MRE11: variants seen among roughly 807,000 people sequenced by gnomAD.
The protein encoded by MRE11 is MRE11 double strand break repair nuclease.
Under a neutral mutation model 91.7 loss-of-function variants are expected in MRE11, and 62 were observed. That is an observed-to-expected ratio of 0.68 (90% CI 0.55 to 0.84). The LOEUF (loss-of-function observed/expected upper bound fraction) is 0.84, where lower values mean the gene tolerates loss of function less well. Among genes scored for constraint, MRE11 ranks in the 40% least tolerant of loss-of-function variants. The pLI is 0.00. For missense variants in MRE11, 796 were observed against 852.9 expected, an observed-to-expected ratio of 0.93 and a Z score of 0.83; for synonymous variants, 273 against 271.4, an observed-to-expected ratio of 1.01 and a Z score of -0.06.
At position 94,417,955 on chromosome 11, in the gene MRE11, T is replaced by A. The variant is rs908126331; in HGVS notation, c.*2170A>T. 4 of 233,112 alleles carry A rather than the reference T, an allele frequency of 1.7e-5. No individual in the cohort carries two copies. The East Asian group carries it at 2.4e-4, about 14-fold the overall frequency. 14.4% of individuals were successfully genotyped at this position (233,112 alleles called of 1,614,324 possible). ...AAACACCAGAAAGACACTTATTCTTTGGTAAGTAACAGAAGAATTCCCTAC... is the reference window on the plus strand; with the variant it reads ...AAACACCAGAAAGACACTTATTCTTAGGTAAGTAACAGAAGAATTCCCTAC... On this transcript the variant is annotated 3_prime_UTR_variant, in exon 20 of 20. Coordinates refer to ENST00000323929, the MANE Select transcript of MRE11 (RefSeq NM_005591.4).
chr11:94,498,001 C>A, upstream of MRE11: 2 of 1,223,276 alleles, frequency 1.6e-6, no homozygotes, highest in African/African-American at 1.5e-5. Context: ...TCTAACACCA[C>A]AAGACAATTT....
At position 94,444,431 on chromosome 11, in the gene MRE11, C is replaced by T. The variant is rs112984331; in HGVS notation, c.1867+1379G>A. On this transcript the variant is annotated intron_variant, in intron 16 of 19. Transcript: ENST00000323929. ...GTTTTCTTTTGTTTTAGGCTTTTAG[C>T]AGCTGAAGCCATGGTTTTTAGTTTC... Among the ~76,000 whole-genome samples, 475 of 152,140 alleles carry T rather than the reference C, an allele frequency of 3.1e-3. 3 individuals carry two copies. Among genetic ancestry groups the T allele is most frequent in the African/African-American group, 0.011 (454 of 41,508 alleles).
intron 18 of MRE11, among the ~76,000 whole-genome samples, chr11:94,432,481 C>G (rs1945486851): frequency 6.6e-6 from 1 of 152,200 alleles, no homozygotes; most frequent in Non-Finnish European, 1.5e-5. Flanking sequence ...ACCATCTGCA[C>G]GCTGTCCAGA....
chr11:94,478,840 C>G lies in MRE11; in HGVS notation c.439G>C (p.Ala147Pro), dbSNP rs2135085892. 1 of 1,613,810 alleles carries G rather than the reference C, an allele frequency of 6.2e-7. No individual in the cohort carries two copies. The highest frequency in any genetic ancestry group is 8.5e-7 in the Non-Finnish European group (1 of 1,179,884). ...CGTCCAAAGTGATTTACAAATCCAGCACAACTTAAAATGTCCAAGGCACAA... is the reference window on the plus strand; with the variant it reads ...CGTCCAAAGTGATTTACAAATCCAGGACAACTTAAAATGTCCAAGGCACAA... ...ALCALDILSC[A>P]GFVNHFGRSM... The change falls in exon 6 of 20, where the codon GCT becomes CCT. Residue 147 changes from alanine (A) to proline (P), a missense_variant. By Grantham distance (27) the Ala-to-Pro change is conservative (BLOSUM62 -1). Coordinates refer to ENST00000323929, the MANE Select transcript of MRE11 (RefSeq NM_005591.4).
intron 6 of MRE11, among the ~76,000 whole-genome samples, chr11:94,477,428 G>A (rs1356922415): frequency 6.6e-6 from 1 of 152,168 alleles, no homozygotes; most frequent in East Asian, 1.9e-4. Context: ...TATTATAAAA[G>A]GAGAAAAAGC....
chr11:94,464,091 C>G, intron 11 of MRE11, 22 bp downstream of exon 11: 1 of 1,606,064 alleles, frequency 6.2e-7, no homozygotes, highest in Non-Finnish European at 8.5e-7. Context: ...ATTTTTTTAC[C>G]TCATAAAAAT....
chr11:94,453,553 A>G (rs1178633840), intron 14 of MRE11, among the ~76,000 whole-genome samples: 2 of 152,072 alleles, frequency 1.3e-5, no homozygotes, highest in African/African-American at 4.8e-5. Context: ...TTTGATTTGC[A>G]TTTCTCTAAT....
In MRE11 at chr11:94,443,342, T is replaced by A. The variant is rs193127143; in HGVS notation, c.1867+2468A>T. On this transcript the variant is annotated intron_variant, in intron 16 of 19. Transcript: ENST00000323929. ...TCCCAGATCTGGTACTGACAAGTTA[T>A]GAGATCTAGGATAAGCTACCTATCT... is the stretch of plus-strand genomic sequence containing the variant. 3.2e-4 allele frequency among the ~76,000 whole-genome samples: 48 copies of A among 152,330 alleles called. 1 individual carries two copies. Among genetic ancestry groups the A allele is most frequent in the South Asian group, 1.9e-3 (9 of 4,826 alleles).
chr11:94,470,351 C>G, intron 9 of MRE11, 120 bp downstream of exon 9: 1 of 1,026,782 alleles, frequency 9.7e-7, no homozygotes, highest in Admixed American at 2.2e-5. Context: ...AGTGTCCTTA[C>G]AGGCTTCATG....
At chr11:94,476,922 G>T (rs891972150) in intron 6 of MRE11, among the ~76,000 whole-genome samples, 3 of 152,074 alleles carry the variant, frequency 2.0e-5, no homozygotes, top group Non-Finnish European at 2.9e-5. Flanking sequence ...GTTTTGCCAC[G>T]TTGGACAGGC....
In MRE11 at chr11:94,479,735, C is replaced by T. The variant is rs1362161636; in HGVS notation, c.341G>A (p.Gly114Asp). ...SKFPWVNYQD[G>D]NLNISIPVFS... ...CACTGGAATTGAAATGTTGAGGTTG[C>T]CATCTTGATAGTTCACCCATGGAAA... is the stretch of plus-strand genomic sequence containing the variant. The change falls in exon 5 of 20, where the codon GGC becomes GAC. Residue 114 changes from glycine to aspartate, a missense_variant. Coordinates refer to ENST00000323929, the MANE Select transcript of MRE11 (RefSeq NM_005591.4). 2 of 1,612,514 alleles carry T rather than the reference C, an allele frequency of 1.2e-6. No individual in the cohort carries two copies. Among genetic ancestry groups the T allele is most frequent in the Non-Finnish European group, 1.7e-6 (2 of 1,179,690 alleles).
At chr11:94,472,987 T>C (rs1223911934) in intron 7 of MRE11, 1 of 152,012 alleles carries the variant, frequency 6.6e-6, no homozygotes, top group African/African-American at 2.4e-5. Context: ...AGTGCCATAC[T>C]CCTCTCTACA....
At chr11:94,433,358 T>C (rs1050793030) in intron 18 of MRE11, among the ~76,000 whole-genome samples, 1 of 152,236 alleles carries the variant, frequency 6.6e-6, no homozygotes, top group Non-Finnish European at 1.5e-5. Flanking sequence ...ACCTTTGTAG[T>C]GCTCACCTGT....
chr11:94,509,622 T>C, the MRE11 span, among the ~76,000 whole-genome samples: 7 of 152,214 alleles, frequency 4.6e-5, no homozygotes, highest in African/African-American at 1.4e-4. Context: ...TTTGTATTTT[T>C]AGTAGAGACG....
chr11:94,472,110 T>C (rs1200117297), intron 7 of MRE11, among the ~76,000 whole-genome samples: 1 of 152,076 alleles, frequency 6.6e-6, no homozygotes, highest in Admixed American at 6.6e-5. Context: ...AGTCTAACTA[T>C]ATACTAGAGA....
At chr11:94,498,495 T>C (rs1185733426), upstream of MRE11, 1 of 1,613,776 alleles carries the variant, frequency 6.2e-7, no homozygotes, top group South Asian at 1.1e-5. Flanking sequence ...CTCTTTGAAA[T>C]TGTGGAAGGC....
At chr11:94,512,235 C>T in the MRE11 span, among the ~76,000 whole-genome samples, 1 of 152,182 alleles carries the variant, frequency 6.6e-6, no homozygotes, top group South Asian at 2.1e-4. Context: ...TTCTGAATCT[C>T]GGATTCTCTG....
chr11:94,498,469 A>C (rs1313850456), upstream of MRE11: 2 of 1,613,848 alleles, frequency 1.2e-6, no homozygotes. Context: ...CCAGGAGGAC[A>C]AGTATCTATC....
intron 18 of MRE11, among the ~76,000 whole-genome samples, chr11:94,431,266 G>A (rs1945455865): frequency 6.6e-6 from 1 of 151,982 alleles, no homozygotes; most frequent in African/African-American, 2.4e-5. Flanking sequence ...AACTTGAAGA[G>A]CAACTAAGGT....
Sources: allele counts gnomAD v4.1 joint callset (sites outside exome capture counted in the v4.1 genomes callset), GRCh38; gene constraint gnomAD v4.1.1; transcripts MANE v1.5; gene names NCBI Gene and HGNC (gene_info 2026-07-23, HGNC 2026-07-21).